Variants in NME1 observed in about 807,000 individuals in gnomAD.
The protein encoded by NME1 is NME/NM23 nucleoside diphosphate kinase 1, also known as nucleoside diphosphate kinase A.
NME1 carries 9 observed loss-of-function variants against 17.2 expected under a neutral mutation model. The observed-to-expected ratio is 0.52, with a 90% CI of 0.32 to 0.92. NME1 has a LOEUF of 0.92. Among genes scored for constraint, NME1 ranks in the 40% least tolerant of loss-of-function variants. The probability of loss-of-function intolerance (pLI) is 0.04; values close to 1 mark genes in which losing one functional copy is unlikely to be tolerated. For missense variants in NME1, 169 were observed against 201.7 expected (o/e 0.84, Z 0.98); for synonymous variants, 72 against 70.8 (o/e 1.02, Z -0.09).
At chr17:51,154,118 A>T (rs1439256820) in intron 1 of NME1, 1 of 500,166 alleles carries the variant, frequency 2.0e-6, no homozygotes, top group Non-Finnish European at 3.6e-6. Flanking sequence ...CCCGCACCCC[A>T]TCGTGCGATT....
At chr17:51,156,666 G>A (rs1055382505) in intron 2 of NME1, 1 of 152,084 alleles carries the variant, frequency 6.6e-6, no homozygotes, top group Admixed American at 6.6e-5. Context: ...GCTGAGGCGG[G>A]CGGATCACCT....
intron 2 of NME1, among the ~76,000 whole-genome samples, chr17:51,158,960 G>C (rs1160551678): frequency 6.6e-6 from 1 of 152,172 alleles, no homozygotes; most frequent in Non-Finnish European, 1.5e-5. Context: ...GTGATTTGCA[G>C]ATACCTTTGG....
At chr17:51,154,389 A>G (rs868238462) in intron 1 of NME1, 3 of 1,613,968 alleles carry the variant, frequency 1.9e-6, no homozygotes, top group Middle Eastern at 1.6e-4. Flanking sequence ...GCTACTGTCT[A>G]CTTTAGGGAT....
chr17:51,161,416 C>T lies in NME1; in HGVS notation c.341+144C>T, dbSNP rs1294973760. 13 of 882,904 alleles carry T rather than the reference C, an allele frequency of 1.5e-5. No individual in the cohort carries two copies. The African/African-American group carries it at 1.8e-4, about 12-fold the overall frequency. The allele number at this position is 882,904 out of a possible 1,614,324, so 54.7% of individuals were successfully genotyped here. ...ATTGTTTTCCTCCCTCTTAAGTTGG[C>T]GTTTGGCTTTGGTTGTTAACATCAC... On this transcript the variant is annotated intron_variant, in intron 4 of 4. Coordinates refer to ENST00000393196, the MANE Select transcript of NME1 (RefSeq NM_000269.3).
intron 3 of NME1, chr17:51,160,687 G>A (rs62063055): frequency 0.17 from 40,891 of 243,714 alleles, 3,696 homozygotes; most frequent in East Asian, 0.21. Context: ...TCGTCTCACC[G>A]CAAGCTCCAC....
At position 51,161,173 on chromosome 17, in the gene NME1, T is replaced by C. The variant is rs901393794; in HGVS notation, c.242T>C (p.Leu81Pro). ...GPVVAMVWEG[L>P]NVVKTGRVML... is the part of the protein sequence containing the mutation. ...CTGTCCTTGGAGGTCTGGGAGGGGC[T>C]GAATGTGGTGAAGACGGGCCGAGTC... Residue 81 changes from leucine to proline, a missense_variant, in exon 4 of 5, where the codon CTG (leucine) becomes CCG (proline). Coordinates refer to ENST00000393196, the MANE Select transcript of NME1 (RefSeq NM_000269.3). 2 of 1,611,140 alleles carry C rather than the reference T, an allele frequency of 1.2e-6. No individual in the cohort carries two copies. The highest frequency in any genetic ancestry group is 1.7e-6 in the Non-Finnish European group (2 of 1,178,844).
chr17:51,160,073 GTTGC>G lies in NME1; in HGVS notation c.221_224del (p.Val74AlafsTer7). The G allele has an allele frequency of 1.9e-6, 3 of 1,614,160 alleles. No individual in the cohort carries two copies. Among genetic ancestry groups the G allele is most frequent in the Non-Finnish European group, 2.5e-6 (3 of 1,180,014 alleles). ...GAAATACATGCACTCAGGGCCGGTA[GTTGC>G]CATGGTGAGTGTGCCTGTGTGGGAT... On this transcript the variant is annotated frameshift_variant, in exon 3 of 5. Transcript: ENST00000393196. LOFTEE classifies it high-confidence loss of function.
intron 4 of NME1, 93 bp downstream of exon 4, chr17:51,161,365 T>C: frequency 8.5e-6 from 10 of 1,179,144 alleles, no homozygotes; most frequent in Non-Finnish European, 1.2e-5. Context: ...CATGATACCA[T>C]ATGCAGGTTG....
At chr17:51,161,546 G>T (rs1325659222) in intron 4 of NME1, 182 bp from the exon 5 acceptor site, 6 of 686,472 alleles carry the variant, frequency 8.7e-6, no homozygotes, top group Non-Finnish European at 1.5e-5. Flanking sequence ...GGCCGGGAGG[G>T]CTGGATGTGG....
At chr17:51,161,648 C>A in intron 4 of NME1, 80 bp from the exon 5 acceptor site, 1 of 1,022,992 alleles carries the variant, frequency 9.8e-7, no homozygotes, top group Non-Finnish European at 1.6e-6. Context: ...TTTTATGCTG[C>A]TGTGGCTGTA....
intron 2 of NME1, among the ~76,000 whole-genome samples, chr17:51,159,619 A>C (rs146971865): frequency 3.9e-4 from 59 of 152,040 alleles, no homozygotes; most frequent in Middle Eastern, 6.8e-3. Flanking sequence ...TAAATAAATA[A>C]AATTAGCCAA....
At position 51,161,752 on chromosome 17, in the gene NME1, T is replaced by C. The variant is rs766599517; in HGVS notation, c.366T>C (p.Ser122=). Residue 122 remains serine, a synonymous_variant, in exon 5 of 5, where the codon TCT becomes TCC. Transcript: ENST00000393196. The part of the protein sequence containing the change: ...VGRNIIHGSD[S]VESAEKEIGL... The stretch of plus-strand genomic sequence containing the variant: ...GGAACATTATACATGGCAGTGATTC[T>C]GTGGAGAGTGCAGAGAAGGAGATCG... The C allele has an allele frequency of 3.1e-6, 5 of 1,613,894 alleles. No individual in the cohort carries two copies. The South Asian group carries it at 3.3e-5, about 11-fold the overall frequency.
chr17:51,154,537 T>C, intron 1 of NME1: 7 of 1,061,810 alleles, frequency 6.6e-6, no homozygotes, highest in Non-Finnish European at 1.0e-5. Flanking sequence ...CCGTATCAGA[T>C]ATTCCTAATG....
At chr17:51,154,225 G>A in intron 1 of NME1, 2 of 735,548 alleles carry the variant, frequency 2.7e-6, no homozygotes, top group East Asian at 2.5e-5. Flanking sequence ...TGACTGCTAG[G>A]CCCTGTGGCT....
chr17:51,161,764 A>C lies in NME1; in HGVS notation c.378A>C (p.Ala126=). Residue 126 remains alanine, a synonymous_variant, in exon 5 of 5, where the codon GCA becomes GCC. Transcript: ENST00000393196. ...IIHGSDSVES[A]EKEIGLWFHP... is the part of the protein sequence containing the mutation. ...ATGGCAGTGATTCTGTGGAGAGTGC[A>C]GAGAAGGAGATCGGCTTGTGGTTTC... is the stretch of plus-strand genomic sequence containing the variant. 1.2e-6 allele frequency: 2 copies of C among 1,614,048 alleles called. No homozygotes were observed. The highest frequency in any genetic ancestry group is 1.7e-5 in the Admixed American group (1 of 60,028).
At chr17:51,154,108 C>T (rs770422586) in intron 1 of NME1, 2 of 484,906 alleles carry the variant, frequency 4.1e-6, no homozygotes, top group Non-Finnish European at 7.5e-6. Flanking sequence ...TTATGCTTGC[C>T]CCGCACCCCA....
At chr17:51,154,153 CTCTCTCTT>C in intron 1 of NME1, 1 of 548,920 alleles carries the variant, frequency 1.8e-6, no homozygotes, top group South Asian at 2.1e-5. Context: ...GGCTTTGTCT[CTCTCTCTT>C]TTTTTTTTTT....
At position 51,155,734 on chromosome 17, in the gene NME1, GT is replaced by G; in HGVS notation, c.84del (p.Phe28LeufsTer11). 1 of 1,614,106 alleles carries G rather than the reference GT, an allele frequency of 6.2e-7. No homozygotes were observed. The highest frequency in any genetic ancestry group is 1.3e-5 in the African/African-American group (1 of 75,050). ...GGTCTTGTGGGAGAGATTATCAAGC[GT>G]TTTGAGCAGAAAGGATTCCGCCTTG... ...QRGLVGEIIK[R>X]FEQKGFRLVG... is the part of the protein sequence containing the mutation. On this transcript the variant is annotated frameshift_variant, in exon 2 of 5. Transcript: ENST00000393196. LOFTEE classifies it high-confidence loss of function.
At chr17:51,154,776 T>G (rs560729045) in intron 1 of NME1, among the ~76,000 whole-genome samples, 3 of 152,226 alleles carry the variant, frequency 2.0e-5, no homozygotes, top group Non-Finnish European at 4.4e-5. Flanking sequence ...CAAACTATTA[T>G]TTCTTACTGC....
Sources: gnomAD v4.1 joint callset for allele counts (sites outside exome capture counted in the v4.1 genomes callset) on GRCh38, gnomAD v4.1.1 for gene constraint, MANE v1.5 for transcripts, NCBI Gene and HGNC (gene_info 2026-07-23, HGNC 2026-07-21) for gene names.